Variants in MRTFA observed in about 807,000 individuals in gnomAD.
MRTFA encodes myocardin-related transcription factor A.
A neutral mutation model predicts 83.5 loss-of-function variants in MRTFA; 20 were observed. The ratio of observed to expected loss-of-function variants is 0.24; its 90% CI spans 0.17 to 0.35. The LOEUF is 0.35. Ranked by LOEUF, MRTFA falls within the 10% of genes least tolerant of loss-of-function variation. MRTFA has a pLI of 1.00. For missense variants in MRTFA, 1,200 were observed against 1,224.7 expected (o/e 0.98, Z 0.30); for synonymous variants, 659 against 541.2 (o/e 1.22, Z -3.02).
intron 3 of MRTFA, among the ~76,000 whole-genome samples, chr22:40,466,004 T>C (rs962654555): frequency 9.9e-5 from 15 of 152,146 alleles, no homozygotes; most frequent in Admixed American, 7.9e-4. Context: ...AAACCTGGGC[T>C]CCTTACTTTG....
intron 3 of MRTFA, among the ~76,000 whole-genome samples, chr22:40,464,276 A>G (rs2053772449): frequency 7.0e-6 from 1 of 142,414 alleles, no homozygotes; most frequent in Admixed American, 7.2e-5. Context: ...CTCTCACTCC[A>G]GCCTGGGTAA....
At chr22:40,418,301 C>T in intron 12 of MRTFA, 73 bp downstream of exon 12, 3 of 1,550,860 alleles carry the variant, frequency 1.9e-6, no homozygotes, top group East Asian at 4.6e-5. Context: ...GTCCCCTGGC[C>T]CAAGAGGGCT....
intron 3 of MRTFA, among the ~76,000 whole-genome samples, chr22:40,485,079 A>T (rs1486936376): frequency 6.6e-6 from 1 of 152,106 alleles, no homozygotes; most frequent in Non-Finnish European, 1.5e-5. Flanking sequence ...TCAAAAAAAA[A>T]AAAAAAATCT....
intron 4 of MRTFA, among the ~76,000 whole-genome samples, chr22:40,458,393 C>T (rs2053634530): frequency 6.6e-6 from 1 of 152,116 alleles, no homozygotes; most frequent in Non-Finnish European, 1.5e-5. Flanking sequence ...TCAAGCAGTA[C>T]AGAGAGGTAT....
chr22:40,414,209 G>A (rs1191142268), intron 14 of MRTFA, among the ~76,000 whole-genome samples: 30 of 152,142 alleles, frequency 2.0e-4, no homozygotes, highest in Admixed American at 1.9e-3. Flanking sequence ...CGGGCGTGGC[G>A]GCGGGTGCCT....
chr22:40,632,211 G>A (rs550667432), intron 1 of MRTFA, among the ~76,000 whole-genome samples: 4 of 152,260 alleles, frequency 2.6e-5, no homozygotes, highest in Admixed American at 6.5e-5. Context: ...CCAGCAATAT[G>A]AGTAGCCACC....
chr22:40,569,716 A>AATACATAC (rs67146133), intron 2 of MRTFA: 48 of 142,352 alleles, frequency 3.4e-4, no homozygotes, highest in East Asian at 8.6e-4. Context: ...CTCCATAATT[A>AATACATAC]ATACATACAT....
Position 40,444,825 on chromosome 22 carries a change from T to G in MRTFA, c.308-9271A>C, listed in dbSNP as rs1008316496. Among the ~76,000 whole-genome samples the G allele has an allele frequency of 1.5e-4, 23 of 152,092 alleles. 1 individual carries two copies. The highest frequency in any genetic ancestry group is 1.1e-3 in the Admixed American group (17 of 15,266). ...GCTCACACCTGTAACCCCAGCACCC[T>G]GGCAGGCCAAGGCCAGTGGATCACT... On this transcript the variant is annotated intron_variant, in intron 4 of 14. Transcript: ENST00000355630.
At chr22:40,469,479 G>A (rs926191121) in intron 3 of MRTFA, among the ~76,000 whole-genome samples, 10 of 152,146 alleles carry the variant, frequency 6.6e-5, no homozygotes, top group African/African-American at 2.4e-4. Flanking sequence ...CTGGTGCAAT[G>A]CTTGTACAGC....
At chr22:40,438,864 G>T (rs1052594332) in intron 4 of MRTFA, among the ~76,000 whole-genome samples, 1 of 152,124 alleles carries the variant, frequency 6.6e-6, no homozygotes, top group African/African-American at 2.4e-5. Flanking sequence ...CAGGAATAAG[G>T]AAGGATTACT....
In MRTFA at chr22:40,411,379, G is replaced by A; in HGVS notation, c.*11C>T. On this transcript the variant is annotated 3_prime_UTR_variant, in exon 15 of 15. Coordinates refer to ENST00000355630, the MANE Select transcript of MRTFA (RefSeq NM_020831.6). ...CCCAGCCCCTTCCCCACCCCGTCTT[G>A]AGCCAGAGAGCTACAAGCAGGAATC... 12 of 1,542,556 alleles carry A rather than the reference G, an allele frequency of 7.8e-6. No homozygotes were observed. The highest frequency in any genetic ancestry group is 1.1e-5 in the Non-Finnish European group (12 of 1,137,006).
At chr22:40,530,262 C>G (rs765116549) in intron 3 of MRTFA, among the ~76,000 whole-genome samples, 13 of 152,212 alleles carry the variant, frequency 8.5e-5, no homozygotes, top group Admixed American at 3.3e-4. Context: ...GACTTAGCTT[C>G]TGAAATTCCA....
At chr22:40,502,254 A>G (rs1479293674) in intron 3 of MRTFA, among the ~76,000 whole-genome samples, 4 of 129,856 alleles carry the variant, frequency 3.1e-5, no homozygotes, top group African/African-American at 1.2e-4. Flanking sequence ...GAGGCTCCTC[A>G]CTTCTCAGAC....
At chr22:40,627,949 A>G (rs2056599887) in intron 1 of MRTFA, among the ~76,000 whole-genome samples, 1 of 152,194 alleles carries the variant, frequency 6.6e-6, no homozygotes, top group South Asian at 2.1e-4. Flanking sequence ...CATGTCTGGA[A>G]GACAAAGCAA....
intron 2 of MRTFA, among the ~76,000 whole-genome samples, chr22:40,574,964 C>G (rs2055847868): frequency 6.6e-6 from 1 of 152,292 alleles, no homozygotes; most frequent in South Asian, 2.1e-4. Context: ...TCTGCAGACT[C>G]CACTTTGTGA....
At chr22:40,534,288 A>AC (rs2055130149) in intron 3 of MRTFA, among the ~76,000 whole-genome samples, 1 of 151,932 alleles carries the variant, frequency 6.6e-6, no homozygotes, top group South Asian at 2.1e-4. Context: ...CTATTTCTCC[A>AC]CCCCCACTCC....
chr22:40,616,577 G>A (rs2056451353), intron 1 of MRTFA, among the ~76,000 whole-genome samples: 1 of 152,196 alleles, frequency 6.6e-6, no homozygotes, highest in Non-Finnish European at 1.5e-5. Flanking sequence ...CAACAGAAAT[G>A]GATAATGGAA....
chr22:40,627,133 C>T (rs112786808), intron 1 of MRTFA, among the ~76,000 whole-genome samples: 2,920 of 152,046 alleles, frequency 0.019, 76 homozygotes, highest in Middle Eastern at 0.11. Flanking sequence ...GTGGATATTA[C>T]AGTATGCCTT....
intron 4 of MRTFA, among the ~76,000 whole-genome samples, chr22:40,461,110 G>A (rs1257112216): frequency 2.0e-5 from 3 of 148,898 alleles, no homozygotes; most frequent in African/African-American, 7.5e-5. Flanking sequence ...GCTGAGGTGG[G>A]AAGATCTGCT....
Sources: allele counts gnomAD v4.1 joint callset (sites outside exome capture counted in the v4.1 genomes callset), GRCh38; gene constraint gnomAD v4.1.1; transcripts MANE v1.5; gene names NCBI Gene and HGNC (gene_info 2026-07-23, HGNC 2026-07-21).